The following CHL1 variants were observed in gnomAD, a reference collection of about 807,000 sequenced individuals.
CHL1 encodes the protein neural cell adhesion molecule L1-like protein.
In CHL1, 96 loss-of-function variants were observed where a neutral mutation model predicts 141.9. That is an observed-to-expected ratio of 0.68 (90% CI 0.57 to 0.80). CHL1 has a LOEUF of 0.80. Ranked by LOEUF, CHL1 falls within the 30% of genes least tolerant of loss-of-function variation. The pLI, the probability that CHL1 is intolerant of heterozygous loss-of-function variation, is 0.00. For missense variants in CHL1, 1,820 were observed against 1,457.2 expected, an observed-to-expected ratio of 1.25 and a Z score of -4.05; for synonymous variants, 613 against 502.2, an observed-to-expected ratio of 1.22 and a Z score of -2.95.
chr3:296,987 A>T (rs1322523988), intron 2 of CHL1, among the ~76,000 whole-genome samples: 3 of 152,150 alleles, frequency 2.0e-5, no homozygotes, highest in African/African-American at 7.2e-5. Flanking sequence ...CTGAGTTTGT[A>T]TGTGAGGAGA....
At chr3:217,236 G>C (rs543551312) in intron 1 of CHL1, among the ~76,000 whole-genome samples, 1 of 152,178 alleles carries the variant, frequency 6.6e-6, no homozygotes, top group South Asian at 2.1e-4. Flanking sequence ...AACAGGGAAA[G>C]AAAACAGGTC....
intron 2 of CHL1, among the ~76,000 whole-genome samples, chr3:311,097 A>C (rs1452658573): frequency 1.3e-5 from 2 of 152,166 alleles, no homozygotes; most frequent in Non-Finnish European, 2.9e-5. Flanking sequence ...GTCTGGACAC[A>C]GTATAGTTTA....
At chr3:334,030 C>G (rs1701669490) in intron 5 of CHL1, among the ~76,000 whole-genome samples, 1 of 152,104 alleles carries the variant, frequency 6.6e-6, no homozygotes. Flanking sequence ...AAACATGGCT[C>G]ACTGCAGCCT....
chr3:339,067 A>G (rs912975140), intron 5 of CHL1, among the ~76,000 whole-genome samples: 1 of 152,182 alleles, frequency 6.6e-6, no homozygotes, highest in Non-Finnish European at 1.5e-5. Flanking sequence ...TTTCTAATCC[A>G]TATTTTATTT....
chr3:389,656 C>T (rs955383121), intron 20 of CHL1, among the ~76,000 whole-genome samples, 182 bp downstream of exon 20: 3 of 152,148 alleles, frequency 2.0e-5, no homozygotes, highest in East Asian at 1.9e-4. Flanking sequence ...GACAGTTGAT[C>T]GTATAGAGTA....
At position 364,437 on chromosome 3, in the gene CHL1, C is replaced by G. The variant is rs181650691; in HGVS notation, c.1585+1054C>G. Among the ~76,000 whole-genome samples the G allele has an allele frequency of 7.6e-4, 115 of 152,250 alleles. 1 individual carries two copies. Among genetic ancestry groups the G allele is most frequent in the Admixed American group, 1.4e-3 (21 of 15,284 alleles). Reference sequence around the variant, plus strand: ...CCTATATCAAGGTTAAGCAACTCAGCTAGGTGTAAGGAGCGTGAAGCCTCG... The same window carrying G: ...CCTATATCAAGGTTAAGCAACTCAGGTAGGTGTAAGGAGCGTGAAGCCTCG... On this transcript the variant is annotated intron_variant, in intron 14 of 27. Coordinates refer to ENST00000256509, the MANE Select transcript of CHL1 (RefSeq NM_006614.4).
chr3:391,908 C>G (rs1390261981), intron 23 of CHL1, 111 bp downstream of exon 23: 1 of 850,812 alleles, frequency 1.2e-6, no homozygotes, highest in African/African-American at 1.8e-5. Context: ...GGTTTGTAAG[C>G]TGCCGTTCTT....
At chr3:401,382 G>T (rs1368696799) in intron 26 of CHL1, among the ~76,000 whole-genome samples, 2 of 152,198 alleles carry the variant, frequency 1.3e-5, no homozygotes, top group African/African-American at 4.8e-5. Flanking sequence ...GTAGTCACGT[G>T]AAAATATGCA....
chr3:322,629 T>TTATATATATATATAAAATATATATA (rs1559252477), intron 3 of CHL1, among the ~76,000 whole-genome samples: 15 of 119,872 alleles, frequency 1.3e-4, no homozygotes, highest in Admixed American at 4.4e-4. Context: ...CATCTCTAAA[T>TTATATATATATATAAAATATATATA]TATATATATA....
chr3:197,938 G>A (rs1443299116), intron 1 of CHL1: 1 of 391,470 alleles, frequency 2.6e-6, no homozygotes. Context: ...ATTAATTTGG[G>A]GAGCAGGGAT....
chr3:276,306 T>C (rs1222922720), intron 2 of CHL1, among the ~76,000 whole-genome samples: 3 of 152,204 alleles, frequency 2.0e-5, no homozygotes, highest in East Asian at 1.9e-4. Context: ...ATGAATCAAC[T>C]TGAGCTTTGA....
chr3:257,403 G>T, intron 2 of CHL1, among the ~76,000 whole-genome samples: 2 of 149,750 alleles, frequency 1.3e-5, no homozygotes. Context: ...GTCCAGGCTG[G>T]AGTGCAGTGG....
intron 27 of CHL1, among the ~76,000 whole-genome samples, chr3:403,523 G>A (rs1346297653): frequency 6.6e-6 from 1 of 151,930 alleles, no homozygotes; most frequent in Admixed American, 6.6e-5. Context: ...CTCCAGCCTG[G>A]GCAACATAGC....
intron 1 of CHL1, among the ~76,000 whole-genome samples, chr3:199,580 A>G (rs1445738092): frequency 6.6e-6 from 1 of 152,198 alleles, no homozygotes; most frequent in Non-Finnish European, 1.5e-5. Flanking sequence ...ATCTCATTAC[A>G]TGAATTGGTT....
intron 2 of CHL1, among the ~76,000 whole-genome samples, chr3:315,462 A>T (rs1029849087): frequency 1.3e-5 from 2 of 152,200 alleles, no homozygotes; most frequent in African/African-American, 4.8e-5. Flanking sequence ...TCAAGGAATA[A>T]TATGAATTTA....
intron 1 of CHL1, among the ~76,000 whole-genome samples, chr3:239,443 A>C (rs1194233461): frequency 3.3e-5 from 5 of 152,032 alleles, no homozygotes; most frequent in Non-Finnish European, 7.4e-5. Context: ...CTTTTGACAG[A>C]CACTGTGGTG....
At chr3:364,255 C>A (rs1181262595) in intron 14 of CHL1, among the ~76,000 whole-genome samples, 1 of 152,058 alleles carries the variant, frequency 6.6e-6, no homozygotes, top group Non-Finnish European at 1.5e-5. Flanking sequence ...GTGTGCCAGC[C>A]CCACAGACTA....
At position 390,764 on chromosome 3, in the gene CHL1, C is replaced by A; in HGVS notation, c.2534C>A (p.Thr845Asn). ...DVINSTLVKV[T>N]WSTVPKDRVH... Reference sequence around the variant, plus strand: ...ATAAACAGTACATTAGTTAAAGTTACCTGGTCAACAGTTCCAAAGGACAGA... The same window carrying A: ...ATAAACAGTACATTAGTTAAAGTTAACTGGTCAACAGTTCCAAAGGACAGA... The change falls in exon 21 of 28, where the codon ACC becomes AAC. Residue 845 changes from threonine to asparagine, a missense_variant. By Grantham distance (65) the Thr-to-Asn change is moderately conservative (BLOSUM62 0). Transcript: ENST00000256509. 1 of 1,612,854 alleles carries A rather than the reference C, an allele frequency of 6.2e-7. No homozygotes were observed. Among genetic ancestry groups the A allele is most frequent in the Non-Finnish European group, 8.5e-7 (1 of 1,178,860 alleles).
intron 5 of CHL1, among the ~76,000 whole-genome samples, chr3:333,456 G>C (rs1369404171): frequency 6.6e-6 from 1 of 152,028 alleles, no homozygotes; most frequent in African/African-American, 2.4e-5. Flanking sequence ...ACAATGTCCA[G>C]TTTTCTATTT....
Sources: allele counts gnomAD v4.1 joint callset (sites outside exome capture counted in the v4.1 genomes callset), GRCh38; gene constraint gnomAD v4.1.1; transcripts MANE v1.5; gene names NCBI Gene and HGNC (gene_info 2026-07-23, HGNC 2026-07-21).